PTK2: variants seen among roughly 807,000 people sequenced by gnomAD.
The protein encoded by PTK2 is focal adhesion kinase 1.
A neutral mutation model predicts 150.1 loss-of-function variants in PTK2; 45 were observed. The observed-to-expected ratio is 0.30, with a 90% confidence interval of 0.24 to 0.38. The LOEUF (loss-of-function observed/expected upper bound fraction) is 0.38. PTK2 is among the 10% of genes least tolerant of loss of function. The pLI, the probability that PTK2 is intolerant of heterozygous loss-of-function variation, is 1.00. For missense variants in PTK2, 919 were observed against 1,307.3 expected (o/e 0.70, Z 4.58); for synonymous variants, 432 against 449.2 (o/e 0.96, Z 0.48).
At position 140,902,190 on chromosome 8, in the gene PTK2, C is replaced by T. The variant is rs187503118; in HGVS notation, c.-32-11421G>A. On this transcript the variant is annotated intron_variant, in intron 2 of 31. Coordinates refer to ENST00000522684, the Ensembl canonical transcript of PTK2. ...CTGGGATTACAGGCGCACGCCACCA[C>T]GCCCAGCTAATTTTTGTATTTTTAG... is the stretch of plus-strand genomic sequence containing the variant. Among the ~76,000 whole-genome samples the T allele has an allele frequency of 2.4e-3, 371 of 152,178 alleles. 2 individuals are homozygous for T. The highest frequency in any genetic ancestry group is 8.6e-3 in the African/African-American group (356 of 41,512).
At chr8:140,980,261 G>C (rs971825512) in intron 1 of PTK2, among the ~76,000 whole-genome samples, 50 of 152,198 alleles carry the variant, frequency 3.3e-4, no homozygotes, top group African/African-American at 1.2e-3. Flanking sequence ...TTTAAAATCA[G>C]AGTGCAGGAT....
intron 14 of PTK2, among the ~76,000 whole-genome samples, chr8:140,766,685 A>G (rs561752272): frequency 6.6e-6 from 1 of 152,358 alleles, no homozygotes; most frequent in South Asian, 2.1e-4. Flanking sequence ...CAATCAGTAA[A>G]GGAACGCTAT....
intron 15 of PTK2, among the ~76,000 whole-genome samples, chr8:140,763,155 C>T (rs751173480): frequency 6.6e-6 from 1 of 152,186 alleles, no homozygotes; most frequent in Non-Finnish European, 1.5e-5. Flanking sequence ...TCAGCTCTGG[C>T]CTCTTTCGAG....
intron 7 of PTK2, among the ~76,000 whole-genome samples, chr8:140,833,540 T>A (rs1346621934): frequency 1.3e-5 from 2 of 152,222 alleles, no homozygotes; most frequent in Non-Finnish European, 2.9e-5. Context: ...ATTTTTAATA[T>A]GAGGTCGCCT....
intron 10 of PTK2, among the ~76,000 whole-genome samples, chr8:140,815,413 G>GCGGGT (rs2100104124): frequency 1.3e-5 from 2 of 152,134 alleles, no homozygotes; most frequent in African/African-American, 4.8e-5. Context: ...GGGCCTACCA[G>GCGGGT]AGGGTGGAGG....
chr8:140,911,999 G>C (rs2100163353), intron 2 of PTK2, among the ~76,000 whole-genome samples: 1 of 152,176 alleles, frequency 6.6e-6, no homozygotes, highest in South Asian at 2.1e-4. Context: ...TTGGGAGCCT[G>C]AGGCAGGAGG....
intron 1 of PTK2, among the ~76,000 whole-genome samples, chr8:140,998,545 G>C (rs370637771): frequency 2.6e-5 from 4 of 151,690 alleles, no homozygotes; most frequent in East Asian, 1.9e-4. Flanking sequence ...CAGGCCAGGC[G>C]CAGTGGCTCA....
chr8:140,734,825 A>G (rs775415541), intron 22 of PTK2: 9 of 497,932 alleles, frequency 1.8e-5, no homozygotes, highest in Non-Finnish European at 2.8e-5. Context: ...AAGGTCAGGA[A>G]AGGGATTTCT....
chr8:140,778,562 C>T (rs1435380198), intron 14 of PTK2, among the ~76,000 whole-genome samples: 3 of 152,180 alleles, frequency 2.0e-5, no homozygotes, highest in Non-Finnish European at 4.4e-5. Context: ...TTCAAAGTGG[C>T]TGTGAGATGG....
intron 22 of PTK2, among the ~76,000 whole-genome samples, chr8:140,722,232 CA>C (rs1197930972): frequency 6.6e-6 from 1 of 152,154 alleles, no homozygotes; most frequent in Non-Finnish European, 1.5e-5. Context: ...CCTGGCCTCC[CA>C]AAGTGCTGGG....
chr8:140,675,384 C>T (rs1425737207), intron 28 of PTK2, 76 bp downstream of exon 31: 4 of 1,488,362 alleles, frequency 2.7e-6, no homozygotes, highest in South Asian at 1.2e-5. Context: ...TCCAAAGCTA[C>T]GACACTATAT....
At chr8:140,785,644 G>GTA (rs1332935442) in intron 14 of PTK2, among the ~76,000 whole-genome samples, 3 of 152,166 alleles carry the variant, frequency 2.0e-5, no homozygotes, top group Non-Finnish European at 4.4e-5. Flanking sequence ...ACTTGGGAGT[G>GTA]TAACAGTTCA....
intron 1 of PTK2, among the ~76,000 whole-genome samples, chr8:140,943,935 CCTAT>C (rs572982733): frequency 6.6e-6 from 1 of 152,088 alleles, no homozygotes; most frequent in Non-Finnish European, 1.5e-5. Context: ...TATTGAGACA[CCTAT>C]CTTTTTTAAT....
chr8:140,675,487 G>A, exon 28 of PTK2: 4 of 1,611,526 alleles, frequency 2.5e-6, no homozygotes, highest in Non-Finnish European at 3.4e-6. Flanking sequence ...TGATATATAT[G>A]TTGGTTTCCA....
chr8:140,800,623 T>C (rs1282507133), intron 11 of PTK2, 47 bp from the exon 12 acceptor site: 1 of 1,449,016 alleles, frequency 6.9e-7, no homozygotes, highest in Non-Finnish European at 9.7e-7. Context: ...TTCTTCCCAG[T>C]AAGCAAAGGA....
At chr8:140,791,592 G>A (rs2100088458) in intron 13 of PTK2, among the ~76,000 whole-genome samples, 1 of 152,168 alleles carries the variant, frequency 6.6e-6, no homozygotes, top group Non-Finnish European at 1.5e-5. Flanking sequence ...CAAGTTAAAA[G>A]CCCATGTTTA....
chr8:140,713,655 T>C (rs1036157673), intron 23 of PTK2, among the ~76,000 whole-genome samples: 1 of 152,184 alleles, frequency 6.6e-6, no homozygotes, highest in African/African-American at 2.4e-5. Context: ...AGGCACTCTA[T>C]TGATCCAATG....
intron 1 of PTK2, among the ~76,000 whole-genome samples, chr8:140,995,993 G>A (rs549099377): frequency 2.2e-4 from 34 of 152,178 alleles, no homozygotes; most frequent in Non-Finnish European, 2.2e-4. Context: ...GCCGACACCC[G>A]AGAACCACTT....
intron 2 of PTK2, among the ~76,000 whole-genome samples, chr8:140,895,808 A>G (rs2154607539): frequency 6.6e-6 from 1 of 152,316 alleles, no homozygotes; most frequent in African/African-American, 2.4e-5. Context: ...CTGTATGCCT[A>G]TATCAAAACG....
Sources: gnomAD v4.1 joint callset for allele counts (sites outside exome capture counted in the v4.1 genomes callset) on GRCh38, gnomAD v4.1.1 for gene constraint, MANE v1.5 for transcripts, NCBI Gene and HGNC (gene_info 2026-07-23, HGNC 2026-07-21) for gene names.